UBR3: variants seen among roughly 807,000 people sequenced by gnomAD.
The protein encoded by UBR3 is ubiquitin protein ligase E3 component n-recognin 3.
UBR3 carries 85 observed loss-of-function variants against 243.2 expected under a neutral mutation model. That is an observed-to-expected ratio of 0.35 (90% CI 0.29 to 0.42). The LOEUF (loss-of-function observed/expected upper bound fraction) is 0.42, where lower values mean the gene tolerates loss of function less well. Ranked by LOEUF, UBR3 falls within the 10% of genes least tolerant of loss-of-function variation. The pLI, the probability that UBR3 is intolerant of heterozygous loss-of-function variation, is 1.00. For missense variants in UBR3, 1,686 were observed against 2,300.8 expected (o/e 0.73, Z 5.47); for synonymous variants, 748 against 799.8 (o/e 0.94, Z 1.09).
intron 35 of UBR3, among the ~76,000 whole-genome samples, chr2:170,062,609 A>C (rs1177966371): frequency 6.6e-6 from 1 of 152,224 alleles, no homozygotes; most frequent in Non-Finnish European, 1.5e-5. Flanking sequence ...TCTTTCTGGC[A>C]TATGGGCATC....
At chr2:169,902,661 G>A (rs1447526680) in intron 8 of UBR3, among the ~76,000 whole-genome samples, 1 of 149,274 alleles carries the variant, frequency 6.7e-6, no homozygotes, top group African/African-American at 2.5e-5. Context: ...TTAGGCTGGA[G>A]TGCAGTGGCA....
At chr2:170,056,681 A>T (rs1228134373) in intron 33 of UBR3, among the ~76,000 whole-genome samples, 1 of 152,206 alleles carries the variant, frequency 6.6e-6, no homozygotes. Flanking sequence ...ATCTACTTGT[A>T]TCAAAGGAGA....
chr2:169,835,783 A>G (rs1228613798), intron 1 of UBR3, among the ~76,000 whole-genome samples: 2 of 152,030 alleles, frequency 1.3e-5, no homozygotes, highest in African/African-American at 4.8e-5. Context: ...ACTATTTTCA[A>G]TTATGAAACA....
intron 23 of UBR3, among the ~76,000 whole-genome samples, chr2:169,951,153 C>T (rs1217252481): frequency 6.6e-6 from 1 of 152,076 alleles, no homozygotes; most frequent in Admixed American, 6.6e-5. Context: ...GAACCTAGGA[C>T]CTTTATCATC....
intron 1 of UBR3, among the ~76,000 whole-genome samples, chr2:169,845,492 T>TCGTCG: frequency 8.1e-6 from 1 of 123,504 alleles, no homozygotes; most frequent in South Asian, 2.5e-4. Flanking sequence ...CCTTTCCCTC[T>TCGTCG]TCGTCGTCAT....
rs1201691579 is a variant in UBR3 at position 169,845,422 on chromosome 2, C to CA, written c.545+17384dup. Among the ~76,000 whole-genome samples the CA allele has an allele frequency of 7.0e-3, 520 of 73,948 alleles. 5 individuals carry two copies. The highest frequency in any genetic ancestry group is 0.022 in the African/African-American group (428 of 19,600). 48.5% of individuals were successfully genotyped at this position (73,948 alleles called of 152,430 possible). A position where few individuals can be genotyped will look rare whatever the true frequency, so the allele number is the denominator to read the frequency against. On this transcript the variant is annotated intron_variant, in intron 1 of 38. Coordinates refer to ENST00000272793, the MANE Select transcript of UBR3 (RefSeq NM_172070.4). ...TGGGTGACATAGTGAGACCCCATCTCAAAAAAAAAAAAAAGAAATTTTGAG... is the reference window on the plus strand; with the variant it reads ...TGGGTGACATAGTGAGACCCCATCTCAAAAAAAAAAAAAAAGAAATTTTGAG...
intron 5 of UBR3, among the ~76,000 whole-genome samples, chr2:169,883,179 G>A (rs757452495): frequency 1.3e-5 from 2 of 152,160 alleles, no homozygotes; most frequent in African/African-American, 4.8e-5. Flanking sequence ...TTAGTTGTTG[G>A]CTGCAGCCAT....
intron 19 of UBR3, among the ~76,000 whole-genome samples, chr2:169,939,806 C>T (rs1476878875): frequency 6.6e-6 from 1 of 152,022 alleles, no homozygotes; most frequent in East Asian, 1.9e-4. Context: ...TCAAAGTGAT[C>T]TGCTTGCCTT....
At chr2:169,916,568 C>T (rs2085472461) in intron 11 of UBR3, among the ~76,000 whole-genome samples, 1 of 152,068 alleles carries the variant, frequency 6.6e-6, no homozygotes, top group Non-Finnish European at 1.5e-5. Flanking sequence ...CCGCACCAGA[C>T]TCCTCCTCTT....
intron 23 of UBR3, among the ~76,000 whole-genome samples, chr2:169,958,148 T>G (rs549204434): frequency 4.6e-5 from 7 of 152,348 alleles, no homozygotes; most frequent in Admixed American, 4.6e-4. Context: ...CTTAGGAACT[T>G]GTGTTATTGG....
intron 2 of UBR3, among the ~76,000 whole-genome samples, chr2:169,874,658 C>T (rs2083541382): frequency 6.6e-6 from 1 of 152,174 alleles, no homozygotes; most frequent in Middle Eastern, 3.4e-3. Flanking sequence ...CCCTTGAAAA[C>T]CAAGAGCAAA....
At chr2:170,049,685 C>G (rs888947829) in intron 32 of UBR3, among the ~76,000 whole-genome samples, 1 of 152,116 alleles carries the variant, frequency 6.6e-6, no homozygotes, top group Non-Finnish European at 1.5e-5. Flanking sequence ...TTTCTAGAAG[C>G]CTTTCTATTG....
chr2:169,848,004 TA>T (rs747359363), intron 1 of UBR3, among the ~76,000 whole-genome samples: 4 of 152,222 alleles, frequency 2.6e-5, no homozygotes, highest in Non-Finnish European at 5.9e-5. Flanking sequence ...TTGATTTTCC[TA>T]GATGCTTAGT....
chr2:169,984,303 G>A (rs2088896575), intron 24 of UBR3, among the ~76,000 whole-genome samples: 1 of 152,098 alleles, frequency 6.6e-6, no homozygotes, highest in South Asian at 2.1e-4. Context: ...AGCTCTTTGA[G>A]TTTTAACAAA....
intron 22 of UBR3, among the ~76,000 whole-genome samples, chr2:169,948,703 A>G (rs945635778): frequency 2.6e-5 from 4 of 152,076 alleles, no homozygotes; most frequent in African/African-American, 9.7e-5. Context: ...AACAGCTTGG[A>G]TGTTAAAAAA....
At chr2:169,888,925 T>A (rs930120353) in intron 5 of UBR3, among the ~76,000 whole-genome samples, 1 of 152,188 alleles carries the variant, frequency 6.6e-6, no homozygotes, top group Non-Finnish European at 1.5e-5. Flanking sequence ...GACTTTTTTT[T>A]TTGCCATTAT....
chr2:169,994,262 G>T, intron 25 of UBR3, 61 bp from the exon 26 acceptor site: 1 of 1,536,700 alleles, frequency 6.5e-7, no homozygotes, highest in Non-Finnish European at 8.9e-7. Context: ...AGCTTTTCTT[G>T]GAGTTACAGG....
At chr2:169,929,395 T>G (rs1046039361) in intron 18 of UBR3, among the ~76,000 whole-genome samples, 3 of 152,050 alleles carry the variant, frequency 2.0e-5, no homozygotes, top group Non-Finnish European at 2.9e-5. Context: ...GCCAACATGA[T>G]GAAACCCGTC....
intron 32 of UBR3, among the ~76,000 whole-genome samples, chr2:170,053,717 G>A (rs1314155874): frequency 6.6e-6 from 1 of 152,152 alleles, no homozygotes; most frequent in Non-Finnish European, 1.5e-5. Flanking sequence ...TTAAAAAGTA[G>A]AATTAACAGG....
Sources: allele counts gnomAD v4.1 joint callset (sites outside exome capture counted in the v4.1 genomes callset), GRCh38; gene constraint gnomAD v4.1.1; transcripts MANE v1.5; gene names NCBI Gene and HGNC (gene_info 2026-07-23, HGNC 2026-07-21).